MATN2: variants seen among roughly 807,000 people sequenced by gnomAD.
MATN2 encodes matrilin-2.
Under a neutral mutation model 103.2 loss-of-function variants are expected in MATN2, and 69 were observed. The ratio of observed to expected loss-of-function variants is 0.67; its 90% CI spans 0.55 to 0.82. MATN2 has a LOEUF of 0.82. Ranked by LOEUF, MATN2 falls within the 40% of genes least tolerant of loss-of-function variation. The pLI, the probability that MATN2 is intolerant of heterozygous loss-of-function variation, is 0.00. For missense variants in MATN2, 1,023 were observed against 1,211.5 expected, an observed-to-expected ratio of 0.84 and a Z score of 2.31; for synonymous variants, 429 against 450.2, an observed-to-expected ratio of 0.95 and a Z score of 0.60.
intron 1 of MATN2, among the ~76,000 whole-genome samples, chr8:97,874,419 T>TTTTGTTTGA (rs1817997721): frequency 6.6e-6 from 1 of 151,076 alleles, no homozygotes; most frequent in African/African-American, 2.4e-5. Context: ...TTTTTTTTTT[T>TTTTGTTTGA]GTTTGAGACA....
chr8:97,947,782 T>G (rs187805265), intron 4 of MATN2, among the ~76,000 whole-genome samples: 1 of 152,242 alleles, frequency 6.6e-6, no homozygotes, highest in East Asian at 1.9e-4. Context: ...TACATGAACA[T>G]GCAAAAAAAC....
intron 6 of MATN2, 46 bp downstream of exon 6, chr8:97,979,054 T>C: frequency 1.9e-6 from 3 of 1,563,994 alleles, no homozygotes; most frequent in Non-Finnish European, 2.6e-6. Context: ...TTGCTGTTAC[T>C]GCTGTGGTGA....
At chr8:97,936,702 G>A (rs762084719) in intron 3 of MATN2, among the ~76,000 whole-genome samples, 8 of 152,142 alleles carry the variant, frequency 5.3e-5, no homozygotes, top group Non-Finnish European at 8.8e-5. Flanking sequence ...AAACCCAGAG[G>A]GCCTTCTGAG....
At chr8:97,932,520 C>G (rs771763909) in intron 3 of MATN2, among the ~76,000 whole-genome samples, 1 of 152,192 alleles carries the variant, frequency 6.6e-6, no homozygotes, top group Non-Finnish European at 1.5e-5. Flanking sequence ...AGCTTTCTTT[C>G]CTCTTTTGCT....
At chr8:97,912,531 T>C (rs561751998) in intron 2 of MATN2, among the ~76,000 whole-genome samples, 2 of 152,242 alleles carry the variant, frequency 1.3e-5, no homozygotes, top group South Asian at 4.1e-4. Flanking sequence ...CAAGTAAGAA[T>C]GGAGGAAATG....
chr8:98,035,312 G>A lies in MATN2; in HGVS notation c.2816-345G>A, dbSNP rs541157978. On this transcript the variant is annotated intron_variant, in intron 18 of 18. Coordinates refer to ENST00000254898, the MANE Select transcript of MATN2 (RefSeq NM_002380.5). ...GCGGAGGTTGCAGTGAGCCAAGATC[G>A]CGCCATTGCACTCCAACCTGGGCAA... Among the ~76,000 whole-genome samples, 14 of 151,928 alleles carry A rather than the reference G, an allele frequency of 9.2e-5. No individual in the cohort carries two copies. The East Asian group carries it at 1.2e-3, about 13-fold the overall frequency.
rs527689217 is a variant in MATN2 at position 97,916,942 on chromosome 8, T to C, written c.143-14011T>C. Among the ~76,000 whole-genome samples, 432 of 151,780 alleles carry C rather than the reference T, an allele frequency of 2.8e-3. 1 individual carries two copies. The highest frequency in any genetic ancestry group is 9.0e-3 in the African/African-American group (372 of 41,426). On this transcript the variant is annotated intron_variant, in intron 2 of 18. Transcript: ENST00000254898. The stretch of plus-strand genomic sequence containing the variant: ...GTGATGTGGCGTGTTTTTCCTTTCC[T>C]TTTTTTTCCTTTCCATTTTGCTGGC...
intron 3 of MATN2, among the ~76,000 whole-genome samples, chr8:97,938,125 T>A (rs1267329318): frequency 3.1e-4 from 47 of 152,164 alleles, no homozygotes; most frequent in Non-Finnish European, 1.5e-4. Flanking sequence ...CTCCCACTCA[T>A]GACAGTGGGT....
At chr8:97,993,107 T>C (rs1357554779) in intron 6 of MATN2, among the ~76,000 whole-genome samples, 1 of 152,186 alleles carries the variant, frequency 6.6e-6, no homozygotes, top group Admixed American at 6.5e-5. Context: ...ACTCAGTCCA[T>C]TTTTGAAATT....
chr8:97,928,841 T>G (rs1478900929), intron 2 of MATN2, among the ~76,000 whole-genome samples: 1 of 152,216 alleles, frequency 6.6e-6, no homozygotes, highest in Non-Finnish European at 1.5e-5. Context: ...CTGTATATTT[T>G]TTTCTTTTTC....
At chr8:97,988,169 A>ATT (rs57037125) in intron 6 of MATN2, among the ~76,000 whole-genome samples, 13 of 64,468 alleles carry the variant, frequency 2.0e-4, no homozygotes, top group Middle Eastern at 0.01. Flanking sequence ...AAAAAAAAAA[A>ATT]AAATATATAT....
chr8:97,963,522 G>T (rs771554885), intron 5 of MATN2, among the ~76,000 whole-genome samples: 7 of 152,202 alleles, frequency 4.6e-5, no homozygotes, highest in Non-Finnish European at 1.0e-4. Flanking sequence ...TTGTATCTCT[G>T]AGGATTTTGC....
At chr8:97,876,804 A>G (rs916932604) in intron 1 of MATN2, among the ~76,000 whole-genome samples, 14 of 152,078 alleles carry the variant, frequency 9.2e-5, no homozygotes, top group Non-Finnish European at 1.9e-4. Flanking sequence ...GTCTAACCAC[A>G]ATCCTGATTC....
At position 98,014,629 on chromosome 8, in the gene MATN2, A is replaced by T. The variant is rs1010509930; in HGVS notation, c.1574-1911A>T. 3.3e-5 allele frequency among the ~76,000 whole-genome samples: 5 copies of T among 152,202 alleles called. No homozygotes were observed. In the South Asian group the frequency reaches 6.2e-4, roughly 19 times the overall value. ...TATAGCAATGTAGTATAGTCAGAAAATACGGGGATTTATTTATAAGATTAC... is the reference window on the plus strand; with the variant it reads ...TATAGCAATGTAGTATAGTCAGAAATTACGGGGATTTATTTATAAGATTAC... On this transcript the variant is annotated intron_variant, in intron 10 of 18. Coordinates refer to ENST00000254898, the MANE Select transcript of MATN2 (RefSeq NM_002380.5).
At chr8:98,003,813 T>G in intron 8 of MATN2, 30 bp downstream of exon 8, 1 of 1,612,042 alleles carries the variant, frequency 6.2e-7, no homozygotes, top group Non-Finnish European at 8.5e-7. Flanking sequence ...GGGGTGCTGA[T>G]GGAAGGTGGG....
At chr8:97,961,276 C>T (rs537582572) in intron 4 of MATN2, 132 bp from the exon 5 acceptor site, 22 of 854,166 alleles carry the variant, frequency 2.6e-5, no homozygotes, top group East Asian at 2.0e-4. Flanking sequence ...ACTATGATCA[C>T]GTATCAAACC....
At chr8:97,996,599 C>T (rs1463125774) in intron 7 of MATN2, among the ~76,000 whole-genome samples, 1 of 152,204 alleles carries the variant, frequency 6.6e-6, no homozygotes, top group Non-Finnish European at 1.5e-5. Flanking sequence ...CCCGCCTCAT[C>T]GTTACATTTT....
At chr8:98,031,166 G>A (rs894268812) in intron 15 of MATN2, among the ~76,000 whole-genome samples, 2 of 151,894 alleles carry the variant, frequency 1.3e-5, no homozygotes, top group Non-Finnish European at 2.9e-5. Context: ...GTGAAACCCT[G>A]TCTCTGAAAA....
chr8:98,022,122 C>A (rs1813613279), intron 13 of MATN2, among the ~76,000 whole-genome samples: 7 of 152,146 alleles, frequency 4.6e-5, no homozygotes, highest in Admixed American at 4.6e-4. Flanking sequence ...ATGAGCCTGG[C>A]TGAATAAATT....
Sources: gnomAD v4.1 joint callset for allele counts (sites outside exome capture counted in the v4.1 genomes callset) on GRCh38, gnomAD v4.1.1 for gene constraint, MANE v1.5 for transcripts, NCBI Gene and HGNC (gene_info 2026-07-23, HGNC 2026-07-21) for gene names.